The following ADARB2 variants were observed in gnomAD, a reference collection of about 807,000 sequenced individuals.
The protein encoded by ADARB2 is adenosine deaminase RNA specific B2 (inactive).
In ADARB2, 25 loss-of-function variants were observed where a neutral mutation model predicts 62.2. The ratio of observed to expected loss-of-function variants is 0.40; its 90% CI spans 0.29 to 0.56. The LOEUF (loss-of-function observed/expected upper bound fraction) is 0.56, where lower values mean the gene tolerates loss of function less well. Ranked by LOEUF, ADARB2 falls within the 20% of genes least tolerant of loss-of-function variation. The pLI is 0.43. For missense variants in ADARB2, 1,071 were observed against 1,077.4 expected, an observed-to-expected ratio of 0.99 and a Z score of 0.08; for synonymous variants, 572 against 500.8, an observed-to-expected ratio of 1.14 and a Z score of -1.90.
rs202216464 is a variant in ADARB2 at position 1,737,045 on chromosome 10, C to G, written c.100+6G>C. ...GGCAGGGGCCGGCGCGCCACGCGGT[C>G]CTTACCTTTCCGCTTGGACCTCCGC... On this transcript the variant is annotated splice_donor_region_variant and intron_variant, in intron 1 of 9. Transcript: ENST00000381312. 2.5e-6 allele frequency: 4 copies of G among 1,610,110 alleles called. No individual in the cohort carries two copies. Among genetic ancestry groups the G allele is most frequent in the East Asian group, 2.2e-5 (1 of 44,872 alleles).
At chr10:1,346,625 C>G (rs1832083311) in intron 3 of ADARB2, among the ~76,000 whole-genome samples, 2 of 152,246 alleles carry the variant, frequency 1.3e-5, no homozygotes, top group Non-Finnish European at 1.5e-5. Flanking sequence ...CCAGCCTTTA[C>G]AGAGGCACTT....
chr10:1,629,476 C>A (rs1458805655), intron 1 of ADARB2, among the ~76,000 whole-genome samples: 2 of 151,454 alleles, frequency 1.3e-5, no homozygotes, highest in Non-Finnish European at 2.9e-5. Flanking sequence ...CAGCGCCCAA[C>A]CCCGCCCTGC....
intron 1 of ADARB2, among the ~76,000 whole-genome samples, chr10:1,408,545 A>C (rs1564281889): frequency 6.6e-6 from 1 of 152,200 alleles, no homozygotes; most frequent in Non-Finnish European, 1.5e-5. Flanking sequence ...AGTCACACCG[A>C]GTCCCAGGGC....
At chr10:1,343,858 C>T (rs1832054362) in intron 3 of ADARB2, among the ~76,000 whole-genome samples, 1 of 152,152 alleles carries the variant, frequency 6.6e-6, no homozygotes, top group African/African-American at 2.4e-5. Context: ...GCAACAGATA[C>T]TGGGAACTAC....
At position 1,271,189 on chromosome 10, in the gene ADARB2, T is replaced by A. The variant is rs969561307; in HGVS notation, c.1078-120A>T. On this transcript the variant is annotated intron_variant, in intron 3 of 9. Coordinates refer to ENST00000381312, the MANE Select transcript of ADARB2 (RefSeq NM_018702.4). ...CATGTGGCCACACATGGGCCTGCTC[T>A]CCTCCCCTCCTCACAGCCTTGTCAC... 1.7e-5 allele frequency: 12 copies of A among 715,972 alleles called. No homozygotes were observed. In the African/African-American group the frequency reaches 2.1e-4, roughly 13 times the overall value. The allele number at this position is 715,972 out of a possible 1,614,324, so 44.4% of individuals were successfully genotyped here.
chr10:1,295,614 CTT>C (rs1269997433), intron 3 of ADARB2, among the ~76,000 whole-genome samples: 1 of 150,916 alleles, frequency 6.6e-6, no homozygotes. Flanking sequence ...AATGACCTCT[CTT>C]GATACGATTT....
chr10:1,479,346 C>A (rs1202649407), intron 1 of ADARB2, among the ~76,000 whole-genome samples: 3 of 152,184 alleles, frequency 2.0e-5, no homozygotes, highest in Admixed American at 2.0e-4. Context: ...GCAGATCACC[C>A]ATGACACGTG....
At chr10:1,610,882 A>G (rs1749654479) in intron 1 of ADARB2, among the ~76,000 whole-genome samples, 1 of 151,998 alleles carries the variant, frequency 6.6e-6, no homozygotes, top group South Asian at 2.1e-4. Context: ...ACAAACACAC[A>G]TAGACATGTA....
chr10:1,433,281 C>A (rs1432325395), intron 1 of ADARB2, among the ~76,000 whole-genome samples: 2 of 152,152 alleles, frequency 1.3e-5, no homozygotes, highest in Admixed American at 6.5e-5. Flanking sequence ...GTGCCCAGGA[C>A]ATCTTGCATG....
chr10:1,610,502 G>A (rs993407523), intron 1 of ADARB2, among the ~76,000 whole-genome samples: 5 of 152,200 alleles, frequency 3.3e-5, no homozygotes, highest in African/African-American at 1.2e-4. Flanking sequence ...AAAGCACTAG[G>A]CACTGGGGCC....
At chr10:1,387,009 T>C (rs1832530887) in intron 1 of ADARB2, among the ~76,000 whole-genome samples, 1 of 151,924 alleles carries the variant, frequency 6.6e-6, no homozygotes, top group South Asian at 2.1e-4. Context: ...ATCACCATTG[T>C]AAGTGACCCA....
intron 1 of ADARB2, among the ~76,000 whole-genome samples, chr10:1,446,702 T>C (rs1830975562): frequency 6.6e-6 from 1 of 152,214 alleles, no homozygotes; most frequent in East Asian, 1.9e-4. Flanking sequence ...AAAGGAATAA[T>C]TTTTCATCTC....
chr10:1,302,856 T>C (rs1384837792), intron 3 of ADARB2, among the ~76,000 whole-genome samples: 3 of 151,962 alleles, frequency 2.0e-5, no homozygotes, highest in Non-Finnish European at 4.4e-5. Flanking sequence ...AGAAAGGACA[T>C]CCACACCAAA....
intron 1 of ADARB2, among the ~76,000 whole-genome samples, chr10:1,389,551 T>C (rs948307237): frequency 6.6e-6 from 1 of 152,110 alleles, no homozygotes. Flanking sequence ...AAGACCAGCC[T>C]GGGCCACATG....
chr10:1,435,079 C>T (rs891967288), intron 1 of ADARB2, among the ~76,000 whole-genome samples: 2 of 152,236 alleles, frequency 1.3e-5, no homozygotes, highest in African/African-American at 4.8e-5. Context: ...GGACCTGGGT[C>T]CCCTGGGAGG....
chr10:1,405,764 G>A (rs1037537743), intron 1 of ADARB2, among the ~76,000 whole-genome samples: 1 of 151,366 alleles, frequency 6.6e-6, no homozygotes, highest in Non-Finnish European at 1.5e-5. Flanking sequence ...AAACCCCCTA[G>A]ATACACCTGT....
At chr10:1,584,737 A>G (rs1304043587) in intron 1 of ADARB2, among the ~76,000 whole-genome samples, 4 of 152,232 alleles carry the variant, frequency 2.6e-5, no homozygotes, top group Non-Finnish European at 5.9e-5. Flanking sequence ...GTTCATCCAG[A>G]TCATGGCATA....
chr10:1,246,575 C>G lies in ADARB2; in HGVS notation c.1193-4276G>C, dbSNP rs553538782. On this transcript the variant is annotated intron_variant, in intron 4 of 9. Transcript: ENST00000381312. ...ACATATGGCTAGCCAGTTTTCCCAG[C>G]ACCATTTATTAAATAGGGAATCCTT... Among the ~76,000 whole-genome samples the G allele has an allele frequency of 1.1e-3, 115 of 106,978 alleles. 3 individuals carry two copies. Among genetic ancestry groups the G allele is most frequent in the Middle Eastern group, 4.4e-3 (1 of 226 alleles). 70.2% of individuals were successfully genotyped at this position (106,978 alleles called of 152,430 possible).
At chr10:1,343,456 C>T (rs1413077403) in intron 3 of ADARB2, among the ~76,000 whole-genome samples, 1 of 152,212 alleles carries the variant, frequency 6.6e-6, no homozygotes, top group African/African-American at 2.4e-5. Context: ...TTGTGGAAAG[C>T]AATTTGGCAA....
Sources: allele counts gnomAD v4.1 joint callset (sites outside exome capture counted in the v4.1 genomes callset), GRCh38; gene constraint gnomAD v4.1.1; transcripts MANE v1.5; gene names NCBI Gene and HGNC (gene_info 2026-07-23, HGNC 2026-07-21).